Variants in CFAP46 observed in about 807,000 individuals in gnomAD.
CFAP46 encodes cilia- and flagella-associated protein 46.
CFAP46 carries 245 observed loss-of-function variants against 325.7 expected under a neutral mutation model. The ratio of observed to expected loss-of-function variants is 0.75; its 90% CI spans 0.68 to 0.84. The LOEUF (loss-of-function observed/expected upper bound fraction) is 0.84, where lower values mean the gene tolerates loss of function less well. Ranked by LOEUF, CFAP46 falls within the 40% of genes least tolerant of loss-of-function variation. The pLI is 0.00. For synonymous variants in CFAP46, 1,523 were observed against 1,495.9 expected (o/e 1.02, Z -0.42); for missense variants, 3,346 against 3,543.0 (o/e 0.94, Z 1.41).
At position 132,937,635 on chromosome 10, in the gene CFAP46, C is replaced by A. The variant is rs1445425682; in HGVS notation, c.577G>T (p.Glu193Ter). The A allele has an allele frequency of 6.2e-7, 1 of 1,612,828 alleles. No individual in the cohort carries two copies. The change falls in exon 6 of 58, where the codon GAG becomes TAG. Residue 193 changes from glutamate (E) to a stop codon, truncating the protein, a stop_gained. Transcript: ENST00000368586. LOFTEE classifies it high-confidence loss of function. ...GCCGTGGAGCAGAACCTGGCAGCCT[C>A]CTCCTTTCTTCCGGCTTGCAGATAA... ...ECYLQAGRKE[E>*]AARFCSTAAP...
intron 8 of CFAP46, 46 bp from the exon 9 acceptor site, chr10:132,929,850 G>A: frequency 7.0e-7 from 1 of 1,434,834 alleles, no homozygotes; most frequent in East Asian, 2.3e-5. Flanking sequence ...AGGGGGCACA[G>A]GAAACATGGC....
At position 132,889,333 on chromosome 10, in the gene CFAP46, T is replaced by C. The variant is rs959980522; in HGVS notation, c.3304+3000A>G. 1.3e-5 allele frequency among the ~76,000 whole-genome samples: 2 copies of C among 152,120 alleles called. No individual in the cohort carries two copies. The highest frequency in any genetic ancestry group is 4.8e-5 in the African/African-American group (2 of 41,424). ...ACCGGCTGGGTCTAGGGAGCAGAGG[T>C]GCCCATGGCTGGAAGGAAGGCACCC... On this transcript the variant is annotated intron_variant, in intron 25 of 57. Transcript: ENST00000368586. The surrounding 1 kb of genome is among the most constrained non-coding windows in gnomAD (Gnocchi z 6.0).
chr10:132,868,428 C>T (rs10870347), intron 33 of CFAP46, among the ~76,000 whole-genome samples: 21,021 of 152,222 alleles, frequency 0.14, 1,590 homozygotes, highest in Non-Finnish European at 0.15. Context: ...AGTGTGGACA[C>T]GGTTCCAATG....
At chr10:132,835,249 A>G in intron 47 of CFAP46, 55 bp downstream of exon 47, 1 of 1,589,966 alleles carries the variant, frequency 6.3e-7, no homozygotes, top group Non-Finnish European at 8.6e-7. Flanking sequence ...CCTGGCTCCC[A>G]GGGGTGGGGA....
rs1477603140 is a variant in CFAP46 at position 132,892,319 on chromosome 10, G to T, written c.3304+14C>A. ...GTACCTGGAGCCTGTGGGTCTGTCT[G>T]TCCTGCTACAAACCTGGAAGAAAAT... is the stretch of plus-strand genomic sequence containing the variant. On this transcript the variant is annotated intron_variant, in intron 25 of 57. Coordinates refer to ENST00000368586, the MANE Select transcript of CFAP46 (RefSeq NM_001200049.3). 6.5e-7 allele frequency: 1 copy of T among 1,550,370 alleles called. No homozygotes were observed. The highest frequency in any genetic ancestry group is 1.7e-4 in the Middle Eastern group (1 of 5,996).
intron 11 of CFAP46, among the ~76,000 whole-genome samples, 166 bp downstream of exon 11, chr10:132,924,530 G>A (rs181617215): frequency 5.4e-4 from 83 of 152,330 alleles, no homozygotes; most frequent in African/African-American, 1.9e-3. Context: ...AGGACCCGAC[G>A]TGCCTGGCCC....
intron 17 of CFAP46, among the ~76,000 whole-genome samples, chr10:132,916,108 C>T (rs1215823433): frequency 6.6e-6 from 1 of 152,166 alleles, no homozygotes; most frequent in Non-Finnish European, 1.5e-5. Flanking sequence ...CCAAGGCAGT[C>T]CTCGATAGCT....
chr10:132,822,708 C>CAG (rs1847894881), intron 50 of CFAP46, among the ~76,000 whole-genome samples: 1 of 102,314 alleles, frequency 9.8e-6, no homozygotes, highest in Non-Finnish European at 1.9e-5. Context: ...TGTGTGAGTG[C>CAG]TGATGTGTGC....
At chr10:132,814,385 G>T in intron 53 of CFAP46, 131 bp from the exon 54 acceptor site, 3 of 1,036,828 alleles carry the variant, frequency 2.9e-6, no homozygotes, top group Middle Eastern at 4.5e-4. Context: ...CCCGGGTGGG[G>T]TGATGGTAGA....
chr10:132,821,974 ATGTGTGCTG>A (rs1033475505), intron 50 of CFAP46, among the ~76,000 whole-genome samples: 4 of 88,390 alleles, frequency 4.5e-5, no homozygotes, highest in Admixed American at 1.5e-4. Context: ...GTGTGCGCTG[ATGTGTGCTG>A]TGTGTGCGCT....
At chr10:132,900,483 C>A (rs544034696) in intron 22 of CFAP46, among the ~76,000 whole-genome samples, 1 of 152,262 alleles carries the variant, frequency 6.6e-6, no homozygotes, top group Non-Finnish European at 1.5e-5. Context: ...GAGAAAGATG[C>A]TGGCTCACGG....
intron 24 of CFAP46, among the ~76,000 whole-genome samples, chr10:132,897,828 G>A (rs890431650): frequency 9.2e-5 from 14 of 152,384 alleles, no homozygotes; most frequent in Admixed American, 2.0e-4. Context: ...CCCGGAGGAG[G>A]CCAGCATGGG....
intron 11 of CFAP46, among the ~76,000 whole-genome samples, chr10:132,922,925 G>A (rs1001887481): frequency 2.0e-5 from 3 of 152,248 alleles, no homozygotes; most frequent in African/African-American, 7.2e-5. Flanking sequence ...AGACCGCAGA[G>A]GCCTCGGCAG....
chr10:132,929,919 G>T lies in CFAP46; in HGVS notation c.867-115C>A, dbSNP rs1156895724. 6.7e-6 allele frequency: 5 copies of T among 749,110 alleles called. No individual in the cohort carries two copies. In the Admixed American group the frequency reaches 8.4e-5, roughly 13 times the overall value. 46.4% of individuals were successfully genotyped at this position (749,110 alleles called of 1,614,324 possible). On this transcript the variant is annotated intron_variant, in intron 8 of 57. Coordinates refer to ENST00000368586, the MANE Select transcript of CFAP46 (RefSeq NM_001200049.3). ...GAAGCAGGAAATAAAGGTAGGATAA[G>T]AAATAAATAAAATTAAGTTAATTAG...
chr10:132,899,006 G>C lies in CFAP46; in HGVS notation c.3172C>G (p.Leu1058Val), dbSNP rs1849356211. ...TTGATGATGCCGATGAGCCTCTTCA[G>C]GGCACCCTTGGCCTTCTTCCTGTAG... ...AVYRKKAKGA[L>V]KRLIGIINKT... The change falls in exon 24 of 58, where the codon CTG becomes GTG. Residue 1058 changes from leucine (L) to valine (V), a missense_variant. Physicochemically the swap from Leu to Val is conservative, Grantham distance 32. Coordinates refer to ENST00000368586, the MANE Select transcript of CFAP46 (RefSeq NM_001200049.3). The C allele has an allele frequency of 4.5e-6, 7 of 1,550,478 alleles. No homozygotes were observed. In the South Asian group the frequency reaches 8.3e-5, roughly 18 times the overall value.
At chr10:132,915,591 G>T (rs1310445479) in intron 17 of CFAP46, among the ~76,000 whole-genome samples, 1 of 151,938 alleles carries the variant, frequency 6.6e-6, no homozygotes, top group African/African-American at 2.4e-5. Context: ...GACCGGTGAG[G>T]GCGGGGCGCC....
chr10:132,917,314 G>C (rs1564800229), intron 16 of CFAP46, among the ~76,000 whole-genome samples: 1 of 152,254 alleles, frequency 6.6e-6, no homozygotes, highest in Non-Finnish European at 1.5e-5. Flanking sequence ...GTGGCTCTGG[G>C]AACTCTGAAG....
chr10:132,824,282 C>CTG (rs1847979639), intron 50 of CFAP46, among the ~76,000 whole-genome samples: 1 of 105,700 alleles, frequency 9.5e-6, no homozygotes, highest in African/African-American at 3.8e-5. Flanking sequence ...GCTGTGTGTG[C>CTG]TGAGTGCTGA....
chr10:132,870,939 T>C (rs1046141521), intron 32 of CFAP46, among the ~76,000 whole-genome samples: 19 of 152,206 alleles, frequency 1.2e-4, no homozygotes, highest in African/African-American at 4.1e-4. Context: ...AGAAGAAAAG[T>C]CAATGCCTGG....
Sources: gnomAD v4.1 joint callset for allele counts (sites outside exome capture counted in the v4.1 genomes callset) on GRCh38, gnomAD v4.1.1 for gene constraint, Gnocchi (gnomAD v3.1) non-coding constraint, MANE v1.5 for transcripts, NCBI Gene and HGNC (gene_info 2026-07-23, HGNC 2026-07-21) for gene names.